Variants in OSBPL1A observed in about 807,000 individuals in gnomAD.
OSBPL1A encodes oxysterol binding protein like 1A, also known as oxysterol-binding protein-related protein 1.
Under a neutral mutation model 137.1 loss-of-function variants are expected in OSBPL1A, and 80 were observed. The observed-to-expected ratio is 0.58, with a 90% CI of 0.49 to 0.70. OSBPL1A has a LOEUF of 0.70. Ranked by LOEUF, OSBPL1A falls within the 30% of genes least tolerant of loss-of-function variation. The pLI is 0.00. For synonymous variants in OSBPL1A, 365 were observed against 389.7 expected (o/e 0.94, Z 0.75); for missense variants, 970 against 1,129.4 (o/e 0.86, Z 2.02).
chr18:24,319,205 G>A (rs534436910), intron 7 of OSBPL1A, among the ~76,000 whole-genome samples: 1 of 152,030 alleles, frequency 6.6e-6, no homozygotes, highest in African/African-American at 2.4e-5. Context: ...CACTTCTAGC[G>A]GCCAACTACC....
At chr18:24,171,103 C>T (rs550173914) in intron 23 of OSBPL1A, among the ~76,000 whole-genome samples, 2 of 150,990 alleles carry the variant, frequency 1.3e-5, no homozygotes, top group South Asian at 2.1e-4. Context: ...GGTGCGATCT[C>T]GGCTCACTGC....
chr18:24,283,251 C>T (rs148596243), intron 14 of OSBPL1A, among the ~76,000 whole-genome samples: 5,072 of 101,772 alleles, frequency 0.05, 154 homozygotes, highest in African/African-American at 0.097. Context: ...GGAGACAGAG[C>T]AAGACTCCAT....
At chr18:24,331,397 C>CTT (rs1211637974) in intron 7 of OSBPL1A, among the ~76,000 whole-genome samples, 29 of 140,448 alleles carry the variant, frequency 2.1e-4, no homozygotes, top group South Asian at 4.5e-4. Flanking sequence ...GCATGTTCCT[C>CTT]TTTTTTTTTT....
chr18:24,195,339 A>C (rs2086998081), intron 18 of OSBPL1A, among the ~76,000 whole-genome samples: 1 of 152,098 alleles, frequency 6.6e-6, no homozygotes, highest in Non-Finnish European at 1.5e-5. Context: ...AGAAAATGAA[A>C]AGAAAAATGC....
chr18:24,291,454 A>G (rs757819998), intron 14 of OSBPL1A, among the ~76,000 whole-genome samples: 25 of 152,254 alleles, frequency 1.6e-4, no homozygotes, highest in East Asian at 3.9e-4. Flanking sequence ...GAACTAAGAA[A>G]AGTACTCAGA....
At chr18:24,166,460 T>A (rs2086147771) in intron 26 of OSBPL1A, 119 bp downstream of exon 26, 2 of 1,242,856 alleles carry the variant, frequency 1.6e-6, no homozygotes, top group Admixed American at 2.8e-5. Context: ...TCAAACTTAA[T>A]CTCTAAGAGA....
chr18:24,180,840 G>A (rs913691369), intron 19 of OSBPL1A, among the ~76,000 whole-genome samples: 1 of 152,152 alleles, frequency 6.6e-6, no homozygotes, highest in East Asian at 1.9e-4. Flanking sequence ...TTGCACCACT[G>A]CACTCCAGCC....
In OSBPL1A at chr18:24,317,017, A is replaced by G. The variant is rs1049467393; in HGVS notation, c.870+132T>C. 43 of 800,862 alleles carry G rather than the reference A, an allele frequency of 5.4e-5. No individual in the cohort carries two copies. In the East Asian group the frequency reaches 1.2e-3, roughly 22 times the overall value. The allele number at this position is 800,862 out of a possible 1,614,324, so 49.6% of individuals were successfully genotyped here. ...CGACTTTACTTGTTATCAAATTAAA[A>G]TATATACAAGTGTTTTCTACAGCAT... is the stretch of plus-strand genomic sequence containing the variant. On this transcript the variant is annotated intron_variant, in intron 11 of 27. Transcript: ENST00000319481.
chr18:24,278,642 G>C (rs557972645), intron 15 of OSBPL1A, among the ~76,000 whole-genome samples: 1 of 152,068 alleles, frequency 6.6e-6, no homozygotes, highest in Admixed American at 6.6e-5. Context: ...AACATAACAC[G>C]TTACTTCCAA....
chr18:24,182,077 C>T lies in OSBPL1A; in HGVS notation c.1678-798G>A, dbSNP rs558043905. Reference sequence around the variant, plus strand: ...AGAAATTTCACAGCTTTTGAAATGACAATGAAATGAAATGAAATGATATGA... The same window carrying T: ...AGAAATTTCACAGCTTTTGAAATGATAATGAAATGAAATGAAATGATATGA... On this transcript the variant is annotated intron_variant, in intron 18 of 27. Transcript: ENST00000319481. 5.3e-5 allele frequency among the ~76,000 whole-genome samples: 8 copies of T among 151,482 alleles called. No individual in the cohort carries two copies. In the South Asian group the frequency reaches 1.7e-3, roughly 32 times the overall value.
chr18:24,189,821 C>A (rs1291128272), intron 18 of OSBPL1A, among the ~76,000 whole-genome samples: 21 of 152,194 alleles, frequency 1.4e-4, no homozygotes, highest in Admixed American at 1.2e-3. Context: ...GAGCCTGCTG[C>A]CCTCGTGCCT....
Position 24,287,676 on chromosome 18 carries a change from G to A in OSBPL1A, c.1175-6728C>T, listed in dbSNP as rs867437423. On this transcript the variant is annotated intron_variant, in intron 14 of 27. Coordinates refer to ENST00000319481, the MANE Select transcript of OSBPL1A (RefSeq NM_080597.4). ...TAATCCCAGCTACCCGGGAGGCTGA[G>A]GCAGGAGAATCGCTTGAACCAGGAG... Among the ~76,000 whole-genome samples the A allele has an allele frequency of 2.3e-4, 35 of 152,172 alleles. No individual in the cohort carries two copies. In the Middle Eastern group the frequency reaches 0.014, roughly 59 times the overall value.
intron 16 of OSBPL1A, among the ~76,000 whole-genome samples, chr18:24,228,569 G>T (rs937203289): frequency 2.0e-5 from 3 of 152,190 alleles, no homozygotes; most frequent in Non-Finnish European, 4.4e-5. Context: ...CAGCAGCGGG[G>T]AAGTGTTTTG....
chr18:24,197,790 T>C (rs955992142), intron 17 of OSBPL1A, among the ~76,000 whole-genome samples: 30 of 147,922 alleles, frequency 2.0e-4, no homozygotes, highest in South Asian at 4.2e-4. Flanking sequence ...TCTTTTCTTT[T>C]TTTTTTTTTT....
At chr18:24,256,884 T>TAGG in intron 15 of OSBPL1A, among the ~76,000 whole-genome samples, 1 of 137,576 alleles carries the variant, frequency 7.3e-6, no homozygotes, top group South Asian at 2.2e-4. Context: ...ATTAAATACC[T>TAGG]AGGAATTAAG....
At chr18:24,196,056 G>A in intron 18 of OSBPL1A, 69 bp downstream of exon 18, 2 of 1,256,894 alleles carry the variant, frequency 1.6e-6, no homozygotes, top group Non-Finnish European at 2.3e-6. Context: ...CAAACTTTTA[G>A]GTTCCTTTCT....
chr18:24,203,604 C>A (rs1439598002), intron 17 of OSBPL1A, among the ~76,000 whole-genome samples: 1 of 152,092 alleles, frequency 6.6e-6, no homozygotes, highest in African/African-American at 2.4e-5. Context: ...TGTAGTCTTT[C>A]CCCGCTTTGT....
chr18:24,243,252 A>G (rs1442297187), intron 15 of OSBPL1A, among the ~76,000 whole-genome samples: 1 of 152,156 alleles, frequency 6.6e-6, no homozygotes, highest in Non-Finnish European at 1.5e-5. Flanking sequence ...AAAATAAACA[A>G]GGACTACAAA....
intron 4 of OSBPL1A, among the ~76,000 whole-genome samples, chr18:24,353,159 AC>A (rs2091472957): frequency 6.6e-6 from 1 of 152,234 alleles, no homozygotes. Context: ...GATTTTTGCA[AC>A]CTATTCGTCT....
Sources: gnomAD v4.1 joint callset for allele counts (sites outside exome capture counted in the v4.1 genomes callset) on GRCh38, gnomAD v4.1.1 for gene constraint, MANE v1.5 for transcripts, NCBI Gene and HGNC (gene_info 2026-07-23, HGNC 2026-07-21) for gene names.